FANCC: variants seen among roughly 807,000 people sequenced by gnomAD.
The protein encoded by FANCC is FA complementation group C, also known as Fanconi anemia group C protein.
Under a neutral mutation model 71.3 loss-of-function variants are expected in FANCC, and 55 were observed. The ratio of observed to expected loss-of-function variants is 0.77; its 90% CI spans 0.62 to 0.97. FANCC has a LOEUF of 0.97. Among genes scored for constraint, FANCC ranks in the 50% least tolerant of loss-of-function variants. The pLI, the probability that FANCC is intolerant of heterozygous loss-of-function variation, is 0.00. For synonymous variants in FANCC, 275 were observed against 244.9 expected (o/e 1.12, Z -1.15); for missense variants, 678 against 670.9 (o/e 1.01, Z -0.12).
chr9:95,123,229 C>T (rs1423263749), intron 10 of FANCC: 9 of 210,506 alleles, frequency 4.3e-5, no homozygotes, highest in African/African-American at 1.4e-4. Context: ...CTTGAGCCCA[C>T]GAAGCCAAAG....
intron 4 of FANCC, among the ~76,000 whole-genome samples, chr9:95,173,799 T>G (rs1051094916): frequency 1.3e-5 from 2 of 152,094 alleles, no homozygotes; most frequent in African/African-American, 4.8e-5. Flanking sequence ...ACATCTGTGG[T>G]CCCAGCTACT....
Position 95,111,505 on chromosome 9 carries a change from G to C in FANCC, c.1287C>G (p.Tyr429Ter). 1 of 1,614,026 alleles carries C rather than the reference G, an allele frequency of 6.2e-7. No homozygotes were observed. The highest frequency in any genetic ancestry group is 1.7e-5 in the Admixed American group (1 of 60,032). ...GCTGCCTCCCATCACGGGGGCCGTA[G>C]TAGAAGGCCAAGAGCCACAGCAGGG... is the stretch of plus-strand genomic sequence containing the variant. The part of the protein sequence containing the change: ...PTALLWLLAF[Y>*]YGPRDGRQQR... The change falls in exon 13 of 15, where the codon TAC becomes TAG. Residue 429 changes from tyrosine to a stop codon, truncating the protein, a stop_gained. Coordinates refer to ENST00000289081, the MANE Select transcript of FANCC (RefSeq NM_000136.3). LOFTEE classifies it high-confidence loss of function.
intron 6 of FANCC, among the ~76,000 whole-genome samples, chr9:95,152,172 T>TG (rs1348855946): frequency 6.6e-6 from 1 of 152,250 alleles, no homozygotes; most frequent in Non-Finnish European, 1.5e-5. Flanking sequence ...TGTGTATCTT[T>TG]GTCCTATTTG....
intron 13 of FANCC, chr9:95,110,373 CAT>C: frequency 2.9e-6 from 3 of 1,022,656 alleles, no homozygotes; most frequent in Non-Finnish European, 3.5e-6. Context: ...CTTTAAAAAC[CAT>C]ATGTGCCCCG....
At chr9:95,244,785 A>T (rs780633667) in intron 3 of FANCC, among the ~76,000 whole-genome samples, 29 of 151,650 alleles carry the variant, frequency 1.9e-4, no homozygotes, top group Non-Finnish European at 3.8e-4. Context: ...GAATGCCAAG[A>T]CTGGAACACT....
chr9:95,278,873 T>C (rs1369859113), intron 1 of FANCC, among the ~76,000 whole-genome samples: 1 of 151,576 alleles, frequency 6.6e-6, no homozygotes, highest in Non-Finnish European at 1.5e-5. Flanking sequence ...TTAAAGAAAT[T>C]AAAATGCTAC....
At chr9:95,191,390 T>G (rs2135741168) in intron 4 of FANCC, among the ~76,000 whole-genome samples, 1 of 133,110 alleles carries the variant, frequency 7.5e-6, no homozygotes, top group African/African-American at 2.8e-5. Context: ...TGGAGTGCAG[T>G]GGTGTGATCT....
chr9:95,214,712 T>G (rs553538791), intron 4 of FANCC, among the ~76,000 whole-genome samples: 1 of 152,342 alleles, frequency 6.6e-6, no homozygotes, highest in East Asian at 1.9e-4. Flanking sequence ...AGAACATGGA[T>G]GAACCTTGAT....
intron 4 of FANCC, among the ~76,000 whole-genome samples, chr9:95,207,360 G>A (rs1828195204): frequency 6.6e-6 from 1 of 152,110 alleles, no homozygotes; most frequent in African/African-American, 2.4e-5. Flanking sequence ...TCTCTGTAGT[G>A]CTCCTGCCAA....
chr9:95,225,447 T>C (rs1049110644), intron 4 of FANCC, among the ~76,000 whole-genome samples: 3 of 151,946 alleles, frequency 2.0e-5, no homozygotes, highest in East Asian at 1.9e-4. Flanking sequence ...TGGGGCACAA[T>C]AGGGGAAGAG....
chr9:95,298,781 A>C (rs1265825518), intron 1 of FANCC, among the ~76,000 whole-genome samples: 3 of 152,218 alleles, frequency 2.0e-5, no homozygotes, highest in African/African-American at 7.2e-5. Context: ...CCAACTGGCA[A>C]AATCATTGTT....
chr9:95,125,020 T>C, intron 10 of FANCC, 66 bp downstream of exon 10: 1 of 1,393,706 alleles, frequency 7.2e-7, no homozygotes. Context: ...AGTGCTCTTG[T>C]CCAAAATACT....
At chr9:95,153,751 A>G (rs1830308840) in intron 6 of FANCC, among the ~76,000 whole-genome samples, 1 of 151,958 alleles carries the variant, frequency 6.6e-6, no homozygotes, top group Non-Finnish European at 1.5e-5. Flanking sequence ...ATTTTCTCCC[A>G]CTCTGTTGGT....
intron 13 of FANCC, among the ~76,000 whole-genome samples, chr9:95,109,152 T>C (rs890668276): frequency 5.9e-5 from 9 of 152,194 alleles, no homozygotes; most frequent in African/African-American, 1.9e-4. Context: ...ATTCAAGTGA[T>C]ACGGCCACCT....
chr9:95,290,555 G>A (rs1281237437), intron 1 of FANCC, among the ~76,000 whole-genome samples: 1 of 152,174 alleles, frequency 6.6e-6, no homozygotes, highest in Non-Finnish European at 1.5e-5. Context: ...CCAATGAAAG[G>A]AGGGTTATTA....
chr9:95,272,942 G>T (rs1355739457), intron 1 of FANCC, among the ~76,000 whole-genome samples: 1 of 152,112 alleles, frequency 6.6e-6, no homozygotes, highest in Non-Finnish European at 1.5e-5. Flanking sequence ...TCCGGCAAAG[G>T]TGTGGGGGTA....
intron 13 of FANCC, among the ~76,000 whole-genome samples, chr9:95,108,889 T>C (rs2071680186): frequency 6.6e-6 from 1 of 150,768 alleles, no homozygotes; most frequent in South Asian, 2.1e-4. Flanking sequence ...ACTGTATCTA[T>C]AGAACATGCT....
intron 7 of FANCC, among the ~76,000 whole-genome samples, chr9:95,138,705 C>T (rs1387671782): frequency 6.6e-6 from 1 of 152,214 alleles, no homozygotes; most frequent in African/African-American, 2.4e-5. Flanking sequence ...TGTCATTCAT[C>T]CTGCCAGGTG....
intron 1 of FANCC, among the ~76,000 whole-genome samples, chr9:95,264,357 A>G (rs1832257488): frequency 6.6e-6 from 1 of 152,246 alleles, no homozygotes; most frequent in South Asian, 2.1e-4. Flanking sequence ...GAAGAAAAAT[A>G]AAACAGATAA....
Sources: allele counts gnomAD v4.1 joint callset (sites outside exome capture counted in the v4.1 genomes callset), GRCh38; gene constraint gnomAD v4.1.1; transcripts MANE v1.5; gene names NCBI Gene and HGNC (gene_info 2026-07-23, HGNC 2026-07-21).